The following PTGER3 variants were observed in gnomAD, a reference collection of about 807,000 sequenced individuals.
PTGER3 encodes the protein prostaglandin E receptor 3, also known as prostaglandin E2 receptor EP3 subtype.
A neutral mutation model predicts 34.7 loss-of-function variants in PTGER3; 22 were observed. That is an observed-to-expected ratio of 0.63 (90% CI 0.45 to 0.91). The LOEUF is 0.91. PTGER3 is among the 40% of genes least tolerant of loss of function. PTGER3 has a pLI of 0.00. For missense variants in PTGER3, 468 were observed against 519.4 expected (o/e 0.90, Z 0.96); for synonymous variants, 241 against 230.1 (o/e 1.05, Z -0.43).
intron 2 of PTGER3, among the ~76,000 whole-genome samples, chr1:70,990,223 G>A (rs950107648): frequency 1.3e-5 from 2 of 151,252 alleles, no homozygotes; most frequent in Non-Finnish European, 2.9e-5. Context: ...CAGGCGTGGT[G>A]GCGGGCACCT....
At chr1:70,933,012 G>A (rs1648865610) in intron 4 of PTGER3, among the ~76,000 whole-genome samples, 1 of 152,012 alleles carries the variant, frequency 6.6e-6, no homozygotes, top group African/African-American at 2.4e-5. Context: ...AGTATCATAT[G>A]TTATATTTTA....
At position 71,029,874 on chromosome 1, in the gene PTGER3, C is replaced by A. The variant is rs144344889; in HGVS notation, c.897+16807G>T. ...CTGGGAGGTGGAGGTTGCACTGAGCCGAGATCACGCTACTGCACTCCAGCC... is the reference window on the plus strand; with the variant it reads ...CTGGGAGGTGGAGGTTGCACTGAGCAGAGATCACGCTACTGCACTCCAGCC... On this transcript the variant is annotated intron_variant, in intron 1 of 3. Transcript: ENST00000306666. Among the ~76,000 whole-genome samples, 431 of 151,382 alleles carry A rather than the reference C, an allele frequency of 2.8e-3. 3 individuals are homozygous for A. Among genetic ancestry groups the A allele is most frequent in the African/African-American group, 9.8e-3 (403 of 41,218 alleles).
intron 2 of PTGER3, among the ~76,000 whole-genome samples, chr1:70,965,353 C>T (rs770240916): frequency 6.6e-6 from 1 of 151,958 alleles, no homozygotes; most frequent in Non-Finnish European, 1.5e-5. Flanking sequence ...GGGGCCAGGA[C>T]CAGAAGAAAG....
chr1:70,914,988 C>T (rs926431597), intron 4 of PTGER3, among the ~76,000 whole-genome samples: 1 of 151,894 alleles, frequency 6.6e-6, no homozygotes, highest in Non-Finnish European at 1.5e-5. Context: ...ATGCCGGGAA[C>T]CTATGCTAGG....
At chr1:70,882,077 T>C (rs1460454459) in intron 4 of PTGER3, among the ~76,000 whole-genome samples, 2 of 152,154 alleles carry the variant, frequency 1.3e-5, no homozygotes, top group Non-Finnish European at 2.9e-5. Context: ...CTTCCAGTGG[T>C]AGGGGTTGGT....
chr1:70,927,667 A>G (rs568404615), intron 4 of PTGER3, among the ~76,000 whole-genome samples: 14 of 152,314 alleles, frequency 9.2e-5, no homozygotes, highest in African/African-American at 3.1e-4. Context: ...CATTCAAAAA[A>G]GAGCATATCA....
chr1:70,870,202 T>C (rs1646133219), intron 4 of PTGER3, among the ~76,000 whole-genome samples: 1 of 152,148 alleles, frequency 6.6e-6, no homozygotes, highest in Non-Finnish European at 1.5e-5. Flanking sequence ...TGGAGCTGCT[T>C]CCTGAGCTAC....
intron 2 of PTGER3, among the ~76,000 whole-genome samples, chr1:70,997,444 A>C (rs964674483): frequency 6.6e-6 from 1 of 152,178 alleles, no homozygotes; most frequent in Non-Finnish European, 1.5e-5. Context: ...CATAGCAAAA[A>C]ATGATCAGAA....
chr1:70,995,144 T>C (rs1014129218), intron 2 of PTGER3, among the ~76,000 whole-genome samples: 16 of 152,138 alleles, frequency 1.1e-4, no homozygotes, highest in African/African-American at 3.9e-4. Flanking sequence ...TTAGGGTAGG[T>C]GTCATTTGAG....
At chr1:71,008,511 C>T (rs933271558) in intron 2 of PTGER3, 1 of 937,506 alleles carries the variant, frequency 1.1e-6, no homozygotes, top group African/African-American at 1.8e-5. Flanking sequence ...AGTTAGTTTC[C>T]TTACAATACT....
intron 1 of PTGER3, among the ~76,000 whole-genome samples, chr1:71,032,939 C>T (rs955628390): frequency 1.3e-5 from 2 of 152,174 alleles, no homozygotes; most frequent in Non-Finnish European, 2.9e-5. Flanking sequence ...AATCAGCATG[C>T]TCCAGATCTT....
chr1:70,900,414 C>A (rs911103403), intron 4 of PTGER3, among the ~76,000 whole-genome samples: 3 of 152,254 alleles, frequency 2.0e-5, no homozygotes, highest in African/African-American at 2.4e-5. Context: ...CATGCAGGAA[C>A]AAATGATTGA....
At position 71,047,505 on chromosome 1, in the gene PTGER3, A is replaced by C. The variant is rs1018987601; in HGVS notation, c.73T>G (p.Trp25Gly). 4 of 1,603,400 alleles carry C rather than the reference A, an allele frequency of 2.5e-6. No individual in the cohort carries two copies. ...TRLNHSYTGMWAPERSAEARG... is the reference protein window; with the variant it reads ...TRLNHSYTGMGAPERSAEARG... Reference sequence around the variant, plus strand: ...GCCTCGGCGGAACGCTCGGGCGCCCACATGCCTGTGTAGGAGTGGTTGAGG... The same window carrying C: ...GCCTCGGCGGAACGCTCGGGCGCCCCCATGCCTGTGTAGGAGTGGTTGAGG... Residue 25 changes from tryptophan to glycine, a missense_variant, in exon 1 of 4, where the codon TGG becomes GGG. Physicochemically the swap from Trp to Gly is radical, Grantham distance 184. This residue lies in a region of PTGER3 where 151 missense variants were observed against 133.5 expected (regional missense o/e 1.13). Coordinates refer to ENST00000306666, the MANE Select transcript of PTGER3 (RefSeq NM_198719.2).
intron 2 of PTGER3, chr1:71,011,423 T>C (rs1031933501): frequency 7.1e-6 from 7 of 985,196 alleles, no homozygotes; most frequent in Non-Finnish European, 8.4e-6. Flanking sequence ...AGAGTACCTA[T>C]AGTTAGTGCT....
At chr1:70,922,138 T>G (rs752631420) in intron 4 of PTGER3, among the ~76,000 whole-genome samples, 1 of 152,194 alleles carries the variant, frequency 6.6e-6, no homozygotes, top group Admixed American at 6.6e-5. Context: ...CTGTTCATTT[T>G]AATCTTCCTT....
At chr1:70,952,975 C>G in exon 4 of PTGER3, 1 of 1,613,230 alleles carries the variant, frequency 6.2e-7, no homozygotes, top group Non-Finnish European at 8.5e-7. Context: ...TCCATTTCTT[C>G]TCTGTTCAGC....
At chr1:70,901,631 A>G (rs766084480) in intron 4 of PTGER3, among the ~76,000 whole-genome samples, 26 of 152,308 alleles carry the variant, frequency 1.7e-4, no homozygotes, top group Non-Finnish European at 3.7e-4. Flanking sequence ...CAAAGAATTT[A>G]CAGTTTAAGG....
chr1:70,919,859 A>G (rs1251221989), intron 4 of PTGER3, among the ~76,000 whole-genome samples: 2 of 152,164 alleles, frequency 1.3e-5, no homozygotes, highest in African/African-American at 2.4e-5. Flanking sequence ...TTCATAAGAA[A>G]AATAATTACA....
rs1324706203 is a variant in PTGER3 at position 70,971,683 on chromosome 1, T to C, written c.*47A>G. Reference sequence around the variant, plus strand: ...TCTCAGGTGGGAAGAAATATGCAAATTCAGGGAAGCAGGAATTGCAATAAA... The same window carrying C: ...TCTCAGGTGGGAAGAAATATGCAAACTCAGGGAAGCAGGAATTGCAATAAA... On this transcript the variant is annotated 3_prime_UTR_variant, in exon 4 of 4. Coordinates refer to ENST00000306666, the MANE Select transcript of PTGER3 (RefSeq NM_198719.2). 1.7e-5 allele frequency: 26 copies of C among 1,552,674 alleles called. No homozygotes were observed. Among genetic ancestry groups the C allele is most frequent in the Non-Finnish European group, 2.3e-5 (26 of 1,151,550 alleles).
Sources: allele counts gnomAD v4.1 joint callset (sites outside exome capture counted in the v4.1 genomes callset), GRCh38; gene constraint gnomAD v4.1.1; regional missense constraint gnomAD v4.1.1; transcripts MANE v1.5; gene names NCBI Gene and HGNC (gene_info 2026-07-23, HGNC 2026-07-21).